Variants in CACNA2D3 observed in about 807,000 individuals in gnomAD.
The protein encoded by CACNA2D3 is calcium voltage-gated channel auxiliary subunit alpha2delta 3.
A neutral mutation model predicts 160.6 loss-of-function variants in CACNA2D3; 60 were observed. The observed-to-expected ratio is 0.37, with a 90% confidence interval of 0.30 to 0.46. CACNA2D3 has a LOEUF of 0.46. Ranked by LOEUF, CACNA2D3 falls within the 20% of genes least tolerant of loss-of-function variation. The pLI, the probability that CACNA2D3 is intolerant of heterozygous loss-of-function variation, is 1.00. For synonymous variants in CACNA2D3, 558 were observed against 492.9 expected, an observed-to-expected ratio of 1.13 and a Z score of -1.75; for missense variants, 1,205 against 1,365.0, an observed-to-expected ratio of 0.88 and a Z score of 1.85.
chr3:54,640,378 C>T lies in CACNA2D3; in HGVS notation c.1054-1750C>T, dbSNP rs1435940839. On this transcript the variant is annotated intron_variant, in intron 10 of 37. Coordinates refer to ENST00000474759, the MANE Select transcript of CACNA2D3 (RefSeq NM_018398.3). Reference sequence around the variant, plus strand: ...AAGATTTTGTATGTGTTTCCCATCTCGCAGCATTGACATGTAATTGTAGGG... The same window carrying T: ...AAGATTTTGTATGTGTTTCCCATCTTGCAGCATTGACATGTAATTGTAGGG... Among the ~76,000 whole-genome samples, 4 of 152,166 alleles carry T rather than the reference C, an allele frequency of 2.6e-5. No homozygotes were observed. The East Asian group carries it at 5.8e-4, about 22-fold the overall frequency.
At chr3:54,444,430 A>G (rs967309772) in intron 4 of CACNA2D3, among the ~76,000 whole-genome samples, 6 of 152,194 alleles carry the variant, frequency 3.9e-5, no homozygotes, top group African/African-American at 1.4e-4. Context: ...TTAAGTTGCC[A>G]TAATCAGTGT....
At chr3:54,186,257 AT>A (rs1482158750) in intron 2 of CACNA2D3, among the ~76,000 whole-genome samples, 4 of 152,194 alleles carry the variant, frequency 2.6e-5, no homozygotes, top group African/African-American at 7.2e-5. Flanking sequence ...CTTGGATGAA[AT>A]TTTAGAGTTA....
chr3:54,613,190 T>C (rs906469678), intron 9 of CACNA2D3, among the ~76,000 whole-genome samples: 3 of 152,242 alleles, frequency 2.0e-5, no homozygotes, highest in African/African-American at 7.2e-5. Context: ...GACTGTACAT[T>C]TGCAAAGAGG....
intron 31 of CACNA2D3, among the ~76,000 whole-genome samples, chr3:54,993,423 G>A (rs989992124): frequency 3.9e-5 from 6 of 152,174 alleles, no homozygotes; most frequent in Admixed American, 2.0e-4. Context: ...GTTCTGCGGA[G>A]CTGGGCACCA....
At chr3:54,237,839 C>T (rs1701911499) in intron 2 of CACNA2D3, among the ~76,000 whole-genome samples, 1 of 152,114 alleles carries the variant, frequency 6.6e-6, no homozygotes, top group Non-Finnish European at 1.5e-5. Context: ...CCACAAGTTC[C>T]ATGGGTAGAG....
chr3:55,053,144 C>G (rs761888481), intron 35 of CACNA2D3, among the ~76,000 whole-genome samples: 4 of 152,040 alleles, frequency 2.6e-5, no homozygotes, highest in Non-Finnish European at 4.4e-5. Context: ...TGTAATCCCT[C>G]CCACTGGTTT....
chr3:55,000,271 A>G (rs539402798), intron 31 of CACNA2D3, among the ~76,000 whole-genome samples: 1 of 152,328 alleles, frequency 6.6e-6, no homozygotes, highest in Admixed American at 6.5e-5. Flanking sequence ...TCACTTCAAA[A>G]AGGGTAATAA....
intron 27 of CACNA2D3, among the ~76,000 whole-genome samples, chr3:54,927,672 C>T (rs568162925): frequency 1.8e-4 from 27 of 152,250 alleles, no homozygotes; most frequent in Admixed American, 9.8e-4. Flanking sequence ...TGAAATGGCC[C>T]GTGACATGCC....
chr3:54,717,198 T>C (rs1269483313), intron 11 of CACNA2D3, among the ~76,000 whole-genome samples: 1 of 152,222 alleles, frequency 6.6e-6, no homozygotes, highest in African/African-American at 2.4e-5. Flanking sequence ...TACTCTGGTA[T>C]GGACATATCA....
chr3:54,273,387 TC>T (rs1702662050), intron 2 of CACNA2D3, among the ~76,000 whole-genome samples: 1 of 152,218 alleles, frequency 6.6e-6, no homozygotes, highest in Non-Finnish European at 1.5e-5. Context: ...TCTGTCTCTC[TC>T]ACGCACACAC....
rs116242043 is a variant in CACNA2D3 at position 54,501,447 on chromosome 3, C to T, written c.382-2045C>T. ...GGTAAGACAGGGTCTCACTCTGTCACCCAGGCTAGAGTACATTGGCACAAT... is the reference window on the plus strand; with the variant it reads ...GGTAAGACAGGGTCTCACTCTGTCATCCAGGCTAGAGTACATTGGCACAAT... On this transcript the variant is annotated intron_variant, in intron 4 of 37. Coordinates refer to ENST00000474759, the MANE Select transcript of CACNA2D3 (RefSeq NM_018398.3). 3.6e-3 allele frequency among the ~76,000 whole-genome samples: 533 copies of T among 149,320 alleles called. 6 individuals are homozygous for T. Among genetic ancestry groups the T allele is most frequent in the African/African-American group, 0.012 (502 of 40,732 alleles).
chr3:54,387,852 G>A (rs979055370), intron 4 of CACNA2D3, among the ~76,000 whole-genome samples: 3 of 152,186 alleles, frequency 2.0e-5, no homozygotes, highest in African/African-American at 7.2e-5. Flanking sequence ...TTTGGAAATA[G>A]TGTTGACTTT....
At chr3:54,840,472 A>AC (rs1314640744) in intron 16 of CACNA2D3, among the ~76,000 whole-genome samples, 1 of 124,328 alleles carries the variant, frequency 8.0e-6, no homozygotes, top group East Asian at 2.6e-4. Context: ...GTGCAGTGGC[A>AC]CCGTCTCAGC....
intron 9 of CACNA2D3, among the ~76,000 whole-genome samples, chr3:54,588,511 TC>T (rs1389003838): frequency 2.6e-5 from 4 of 152,106 alleles, no homozygotes; most frequent in African/African-American, 9.7e-5. Context: ...AAGTAAAACT[TC>T]CTATTTTCAG....
intron 2 of CACNA2D3, among the ~76,000 whole-genome samples, chr3:54,144,266 G>A (rs1699986077): frequency 6.6e-6 from 1 of 152,200 alleles, no homozygotes; most frequent in Non-Finnish European, 1.5e-5. Flanking sequence ...TTGTGTGGCT[G>A]TGTCCCCTTT....
At chr3:54,960,298 A>T (rs1702000669) in intron 27 of CACNA2D3, among the ~76,000 whole-genome samples, 1 of 152,086 alleles carries the variant, frequency 6.6e-6, no homozygotes, top group Admixed American at 6.5e-5. Flanking sequence ...GACATATATC[A>T]TGGAGTGCTT....
chr3:54,678,983 G>A (rs1156565284), intron 11 of CACNA2D3, among the ~76,000 whole-genome samples: 1 of 152,162 alleles, frequency 6.6e-6, no homozygotes, highest in Non-Finnish European at 1.5e-5. Context: ...TTTGTGGAGA[G>A]TGGCAGAAGG....
chr3:54,123,531 G>A lies in CACNA2D3; in HGVS notation c.141G>A (p.Ser47=). 1.2e-6 allele frequency: 2 copies of A among 1,613,828 alleles called. No individual in the cohort carries two copies. Among genetic ancestry groups the A allele is most frequent in the South Asian group, 1.1e-5 (1 of 91,076 alleles). The change falls in exon 2 of 38, where the codon TCG becomes TCA. Residue 47 remains serine (S), a synonymous_variant. Coordinates refer to ENST00000474759, the MANE Select transcript of CACNA2D3 (RefSeq NM_018398.3). ...CCTGTAGGGTGAAGCTCTGGGCCTC[G>A]GCTTTTGGTGGGGAGATAAAATCCA... ...IPLSVVKLWA[S]AFGGEIKSIA...
intron 4 of CACNA2D3, among the ~76,000 whole-genome samples, chr3:54,500,998 A>G (rs938690955): frequency 6.6e-6 from 1 of 152,220 alleles, no homozygotes; most frequent in Admixed American, 6.5e-5. Context: ...TCTGCTTCCA[A>G]TATGATGCAC....
Sources: allele counts gnomAD v4.1 joint callset (sites outside exome capture counted in the v4.1 genomes callset), GRCh38; gene constraint gnomAD v4.1.1; transcripts MANE v1.5; gene names NCBI Gene and HGNC (gene_info 2026-07-23, HGNC 2026-07-21).